TNFRSF21: variants seen among roughly 807,000 people sequenced by gnomAD.
TNFRSF21 encodes the protein tumor necrosis factor receptor superfamily member 21.
A neutral mutation model predicts 45.6 loss-of-function variants in TNFRSF21; 19 were observed. The observed-to-expected ratio is 0.42, with a 90% confidence interval of 0.29 to 0.61. The LOEUF (loss-of-function observed/expected upper bound fraction) is 0.61, where lower values mean the gene tolerates loss of function less well. Among genes scored for constraint, TNFRSF21 ranks in the 20% least tolerant of loss-of-function variants. The pLI is 0.23. For synonymous variants in TNFRSF21, 314 were observed against 335.5 expected (o/e 0.94, Z 0.70); for missense variants, 737 against 851.5 (o/e 0.87, Z 1.67).
At chr6:47,234,220 G>T (rs554679965) in intron 5 of TNFRSF21, among the ~76,000 whole-genome samples, 1 of 152,022 alleles carries the variant, frequency 6.6e-6, no homozygotes, top group African/African-American at 2.4e-5. Context: ...CAAGTGATCC[G>T]CCCACCTCGG....
intron 1 of TNFRSF21, among the ~76,000 whole-genome samples, chr6:47,306,507 A>G (rs534499309): frequency 6.6e-6 from 1 of 152,306 alleles, no homozygotes; most frequent in East Asian, 1.9e-4. Flanking sequence ...CATTTTCTCA[A>G]CTATAAAAAG....
chr6:47,267,774 G>A (rs527896142), intron 3 of TNFRSF21, among the ~76,000 whole-genome samples: 1 of 152,208 alleles, frequency 6.6e-6, no homozygotes, highest in African/African-American at 2.4e-5. Context: ...GGCATAGACA[G>A]GACTGATATT....
chr6:47,275,887 G>A (rs779919261), intron 3 of TNFRSF21, among the ~76,000 whole-genome samples: 17 of 152,110 alleles, frequency 1.1e-4, no homozygotes, highest in Admixed American at 2.6e-4. Flanking sequence ...GACTGGCAGC[G>A]CAGTGTTCTC....
intron 3 of TNFRSF21, among the ~76,000 whole-genome samples, chr6:47,258,363 G>C (rs1366601400): frequency 4.7e-5 from 7 of 147,762 alleles, no homozygotes; most frequent in African/African-American, 1.5e-4. Context: ...GAGTAAAACT[G>C]TCTCAAAAAA....
intron 4 of TNFRSF21, among the ~76,000 whole-genome samples, chr6:47,251,105 T>G (rs571210846): frequency 6.6e-6 from 1 of 152,256 alleles, no homozygotes; most frequent in African/African-American, 2.4e-5. Context: ...TCTAAAACAC[T>G]TCCAGTCCCA....
chr6:47,244,650 T>C (rs1309856550), intron 4 of TNFRSF21, among the ~76,000 whole-genome samples: 1 of 152,194 alleles, frequency 6.6e-6, no homozygotes, highest in African/African-American at 2.4e-5. Flanking sequence ...GTCATTTTAG[T>C]TGTTGGGCAT....
At chr6:47,240,879 A>T (rs1764735240) in intron 4 of TNFRSF21, among the ~76,000 whole-genome samples, 1 of 152,260 alleles carries the variant, frequency 6.6e-6, no homozygotes, top group Non-Finnish European at 1.5e-5. Flanking sequence ...GGTTAAAAAA[A>T]CAAACAAACA....
intron 1 of TNFRSF21, among the ~76,000 whole-genome samples, chr6:47,305,200 A>G (rs528051411): frequency 6.6e-6 from 1 of 152,320 alleles, no homozygotes; most frequent in African/African-American, 2.4e-5. Context: ...CTCATTTTAT[A>G]TACCATACGA....
chr6:47,282,395 T>A (rs2396807), intron 3 of TNFRSF21, among the ~76,000 whole-genome samples: 63,509 of 125,986 alleles, frequency 0.5, 14,683 homozygotes, highest in East Asian at 0.68. Context: ...AAAAAAAAAA[T>A]AAAAAAAAAA....
chr6:47,307,090 C>T (rs1762950972), intron 1 of TNFRSF21, among the ~76,000 whole-genome samples: 1 of 152,150 alleles, frequency 6.6e-6, no homozygotes, highest in Admixed American at 6.5e-5. Flanking sequence ...GGCATTTCCT[C>T]CCCACCCTGG....
chr6:47,284,913 A>T (rs1762624357), intron 2 of TNFRSF21, among the ~76,000 whole-genome samples: 1 of 152,256 alleles, frequency 6.6e-6, no homozygotes, highest in Non-Finnish European at 1.5e-5. Flanking sequence ...CTGGTGAAAG[A>T]CTTGGTAGGA....
chr6:47,237,824 TG>T, intron 4 of TNFRSF21, among the ~76,000 whole-genome samples: 1 of 152,014 alleles, frequency 6.6e-6, no homozygotes, highest in Middle Eastern at 3.4e-3. Flanking sequence ...CCAAGGTGGG[TG>T]GGTCACTTGA....
intron 4 of TNFRSF21, among the ~76,000 whole-genome samples, chr6:47,251,981 C>T (rs2113849428): frequency 6.6e-6 from 1 of 152,252 alleles, no homozygotes; most frequent in African/African-American, 2.4e-5. Context: ...TATGCCAGAG[C>T]TTTAAAAGAC....
At chr6:47,283,761 A>G (rs1231241602) in intron 3 of TNFRSF21, among the ~76,000 whole-genome samples, 177 bp downstream of exon 3, 3 of 152,208 alleles carry the variant, frequency 2.0e-5, no homozygotes, top group African/African-American at 7.2e-5. Flanking sequence ...TTCTCTCTGA[A>G]TGCATTACTT....
chr6:47,293,977 C>T (rs1426661860), intron 1 of TNFRSF21, among the ~76,000 whole-genome samples: 2 of 152,226 alleles, frequency 1.3e-5, no homozygotes, highest in Non-Finnish European at 2.9e-5. Context: ...AGGTCTATTT[C>T]ACTTACTGGT....
At position 47,232,642 on chromosome 6, in the gene TNFRSF21, C is replaced by CACACACACACACACAA; in HGVS notation, c.*122_*123insTTGTGTGTGTGTGTGT. The CACACACACACACACAA allele has an allele frequency of 5.2e-6, 4 of 767,178 alleles. No individual in the cohort carries two copies. Among genetic ancestry groups the CACACACACACACACAA allele is most frequent in the Non-Finnish European group, 8.6e-6 (4 of 466,454 alleles). 47.5% of individuals were successfully genotyped at this position (767,178 alleles called of 1,614,324 possible). ...TCTGTTAAACACACACACACACACA[C>CACACACACACACACAA]ACACACACACACACACAAACACACA... On this transcript the variant is annotated 3_prime_UTR_variant, in exon 6 of 6. Transcript: ENST00000296861.
chr6:47,306,656 C>G (rs796263779), intron 1 of TNFRSF21, among the ~76,000 whole-genome samples: 7 of 152,072 alleles, frequency 4.6e-5, no homozygotes, highest in African/African-American at 1.7e-4. Context: ...ATATTGTGTA[C>G]CTATATATTT....
intron 1 of TNFRSF21, among the ~76,000 whole-genome samples, chr6:47,307,106 G>T (rs910037946): frequency 3.9e-5 from 6 of 152,142 alleles, no homozygotes; most frequent in African/African-American, 1.4e-4. Flanking sequence ...CCTGGATGGG[G>T]ATTATAACAT....
Position 47,286,130 on chromosome 6 carries a change from C to T in TNFRSF21, c.562G>A (p.Ala188Thr), listed in dbSNP as rs765205172. ...DVPSSVMKCK[A>T]YTDCLSQNLV... ...TTCTGACTCAGACAGTCTGTGTATGCTTTGCATTTCATCACACTAGAAGGC... is the reference window on the plus strand; with the variant it reads ...TTCTGACTCAGACAGTCTGTGTATGTTTTGCATTTCATCACACTAGAAGGC... Residue 188 changes from alanine (A) to threonine (T), a missense_variant, in exon 2 of 6, where the codon GCA (alanine) becomes ACA (threonine). Physicochemically the swap from Ala to Thr is moderately conservative, Grantham distance 58. Coordinates refer to ENST00000296861, the MANE Select transcript of TNFRSF21 (RefSeq NM_014452.5). 5 of 1,614,086 alleles carry T rather than the reference C, an allele frequency of 3.1e-6. No individual in the cohort carries two copies. Among genetic ancestry groups the T allele is most frequent in the Admixed American group, 3.3e-5 (2 of 60,012 alleles).
Sources: gnomAD v4.1 joint callset for allele counts (sites outside exome capture counted in the v4.1 genomes callset) on GRCh38, gnomAD v4.1.1 for gene constraint, MANE v1.5 for transcripts, NCBI Gene and HGNC (gene_info 2026-07-23, HGNC 2026-07-21) for gene names.